Variants in VPS35L observed in about 807,000 individuals in gnomAD.
VPS35L encodes the protein VPS35 endosomal protein sorting factor like, also known as VPS35 endosomal protein-sorting factor-like.
In VPS35L, 83 loss-of-function variants were observed where a neutral mutation model predicts 133.0. The observed-to-expected ratio is 0.62, with a 90% CI of 0.52 to 0.75. The LOEUF (loss-of-function observed/expected upper bound fraction) is 0.75. Ranked by LOEUF, VPS35L falls within the 30% of genes least tolerant of loss-of-function variation. The pLI is 0.00. For missense variants in VPS35L, 1,083 were observed against 1,206.8 expected, an observed-to-expected ratio of 0.90 and a Z score of 1.52; for synonymous variants, 423 against 449.9, an observed-to-expected ratio of 0.94 and a Z score of 0.76.
At chr16:19,608,300 G>A (rs1226239406) in intron 10 of VPS35L, 26 bp downstream of exon 10, 1 of 1,420,358 alleles carries the variant, frequency 7.0e-7, no homozygotes, top group Admixed American at 1.7e-5. Context: ...TTTTTGGTCT[G>A]ATGATTTTAA....
intron 26 of VPS35L, among the ~76,000 whole-genome samples, chr16:19,652,973 A>T (rs1974182364): frequency 6.6e-6 from 1 of 152,220 alleles, no homozygotes; most frequent in Admixed American, 6.5e-5. Flanking sequence ...GAGATGAGAC[A>T]GGGAAGGAAA....
At chr16:19,573,465 G>A in intron 4 of VPS35L, 1 of 421,692 alleles carries the variant, frequency 2.4e-6, no homozygotes, top group South Asian at 2.8e-5. Flanking sequence ...CAGGGATGTG[G>A]CACAGGCCAG....
rs779524056 is a variant in VPS35L at position 19,601,507 on chromosome 16, AT to A, written c.725-156del. 233 of 655,132 alleles carry A rather than the reference AT, an allele frequency of 3.6e-4. 2 individuals are homozygous for A. The highest frequency in any genetic ancestry group is 2.9e-4 in the East Asian group (10 of 34,952). The allele number at this position is 655,132 out of a possible 1,614,324, so 40.6% of individuals were successfully genotyped here. On this transcript the variant is annotated intron_variant, in intron 8 of 30. Transcript: ENST00000417362. The stretch of plus-strand genomic sequence containing the variant: ...AAAAACTAAAAACAAAACAAAAAAA[AT>A]GTGGCTTAAAATCTGTCCCACCAGG...
chr16:19,679,094 C>T (rs374110718), intron 27 of VPS35L, among the ~76,000 whole-genome samples: 1 of 131,612 alleles, frequency 7.6e-6, no homozygotes, highest in Non-Finnish European at 1.5e-5. Flanking sequence ...ATAGCAGAAC[C>T]GAATAGCCTA....
chr16:19,617,221 G>T, intron 14 of VPS35L: 1 of 444,208 alleles, frequency 2.3e-6, no homozygotes. Flanking sequence ...AGCCAGACAC[G>T]GTGATATATG....
intron 27 of VPS35L, among the ~76,000 whole-genome samples, chr16:19,679,002 T>C (rs1975162065): frequency 1.3e-5 from 2 of 152,158 alleles, no homozygotes; most frequent in African/African-American, 4.8e-5. Flanking sequence ...GCATTTGTGT[T>C]GAAATGAAGT....
chr16:19,611,520 T>C (rs544563154), intron 12 of VPS35L, among the ~76,000 whole-genome samples: 1 of 152,262 alleles, frequency 6.6e-6, no homozygotes. Flanking sequence ...GGCGAGAACA[T>C]GTAGCCTGTG....
intron 8 of VPS35L, 51 bp downstream of exon 8, chr16:19,591,925 C>A (rs765720773): frequency 2.9e-6 from 4 of 1,393,374 alleles, no homozygotes; most frequent in Non-Finnish European, 4.1e-6. Flanking sequence ...TTCGTTTTGT[C>A]AAGAATTGGG....
In VPS35L at chr16:19,633,073, G is replaced by T; in HGVS notation, c.1555-19G>T. On this transcript the variant is annotated intron_variant, in intron 18 of 30. Transcript: ENST00000417362. This position sits in a 1 kb window ranked among gnomAD's most constrained non-coding sequence, Gnocchi z 4.1. Reference sequence around the variant, plus strand: ...CCATACAGTGTCTAATTCAGGTTTGGTTCCTTTTTCCTGCTTAGAAACGAG... The same window carrying T: ...CCATACAGTGTCTAATTCAGGTTTGTTTCCTTTTTCCTGCTTAGAAACGAG... The T allele has an allele frequency of 2.5e-6, 4 of 1,612,636 alleles. No individual in the cohort carries two copies. The highest frequency in any genetic ancestry group is 2.5e-6 in the Non-Finnish European group (3 of 1,178,698).
At chr16:19,660,850 C>T (rs1391149265) in intron 26 of VPS35L, among the ~76,000 whole-genome samples, 2 of 152,074 alleles carry the variant, frequency 1.3e-5, no homozygotes, top group East Asian at 1.9e-4. Flanking sequence ...TCCAACCATA[C>T]AGAAATGTAG....
At chr16:19,677,317 T>A (rs1567479439) in intron 27 of VPS35L, among the ~76,000 whole-genome samples, 1 of 152,106 alleles carries the variant, frequency 6.6e-6, no homozygotes, top group South Asian at 2.1e-4. Context: ...ACTCCTGACC[T>A]CGTGATCCAC....
At chr16:19,627,941 A>G (rs2151565494) in intron 16 of VPS35L, 136 bp downstream of exon 16, 3 of 693,352 alleles carry the variant, frequency 4.3e-6, no homozygotes, top group Admixed American at 2.3e-5. Context: ...GAGGAACGCA[A>G]TGGAAGATGA....
In VPS35L at chr16:19,627,788, G is replaced by A. The variant is rs1973315856; in HGVS notation, c.1366G>A (p.Glu456Lys). The A allele has an allele frequency of 6.2e-7, 1 of 1,612,338 alleles. No homozygotes were observed. The highest frequency in any genetic ancestry group is 8.5e-7 in the Non-Finnish European group (1 of 1,178,474). ...DFIGMIKECD[E>K]SGFPKHLLFR... The stretch of plus-strand genomic sequence containing the variant: ...CATTGGCATGATTAAAGAGTGTGAT[G>A]AATCTGGTTTCCCCAAGGTAGGCTC... The change falls in exon 16 of 31, where the codon GAA (glutamate) becomes AAA (lysine). Residue 456 changes from glutamate (E) to lysine (K), a missense_variant. Transcript: ENST00000417362.
At chr16:19,571,132 A>G (rs962660657) in intron 3 of VPS35L, among the ~76,000 whole-genome samples, 9 of 151,664 alleles carry the variant, frequency 5.9e-5, no homozygotes, top group South Asian at 2.1e-4. Context: ...CGGCCTCCCA[A>G]AGTGCTGCAA....
intron 19 of VPS35L, 94 bp from the exon 20 acceptor site, chr16:19,637,500 A>G: frequency 1.1e-6 from 1 of 929,166 alleles, no homozygotes; most frequent in Non-Finnish European, 1.6e-6. Flanking sequence ...CTTTTTAAAA[A>G]AAAATTTAGG....
intron 9 of VPS35L, among the ~76,000 whole-genome samples, chr16:19,603,126 G>C (rs1012230444): frequency 1.3e-5 from 2 of 152,132 alleles, no homozygotes; most frequent in African/African-American, 2.4e-5. Context: ...AACTCAACAG[G>C]CTTTTAGGAT....
At chr16:19,557,016 C>A (rs1318370228) in intron 1 of VPS35L, among the ~76,000 whole-genome samples, 1 of 152,096 alleles carries the variant, frequency 6.6e-6, no homozygotes, top group East Asian at 1.9e-4. Context: ...CCTGTAATCC[C>A]AGCTACTTGG....
intron 7 of VPS35L, among the ~76,000 whole-genome samples, chr16:19,587,575 G>A (rs4780816): frequency 0.065 from 9,762 of 151,066 alleles, 715 homozygotes; most frequent in African/African-American, 0.18. Flanking sequence ...CGGAGGTTGC[G>A]GTGAGCCAAG....
intron 9 of VPS35L, among the ~76,000 whole-genome samples, chr16:19,605,410 T>C (rs997838672): frequency 7.9e-5 from 12 of 152,236 alleles, no homozygotes; most frequent in Non-Finnish European, 1.8e-4. Context: ...GTCATTGCCA[T>C]TCCTGTGCCC....
Sources: gnomAD v4.1 joint callset for allele counts (sites outside exome capture counted in the v4.1 genomes callset) on GRCh38, gnomAD v4.1.1 for gene constraint, Gnocchi (gnomAD v3.1) non-coding constraint, MANE v1.5 for transcripts, NCBI Gene and HGNC (gene_info 2026-07-23, HGNC 2026-07-21) for gene names.